The following DDX10 variants were observed in gnomAD, a reference collection of about 807,000 sequenced individuals.
The protein encoded by DDX10 is probable ATP-dependent RNA helicase DDX10.
A neutral mutation model predicts 104.3 loss-of-function variants in DDX10; 74 were observed. The ratio of observed to expected loss-of-function variants is 0.71; its 90% CI spans 0.59 to 0.86. The LOEUF is 0.86. Among genes scored for constraint, DDX10 ranks in the 40% least tolerant of loss-of-function variants. The probability of loss-of-function intolerance (pLI) is 0.00; values close to 1 mark genes in which losing one functional copy is unlikely to be tolerated. For synonymous variants in DDX10, 351 were observed against 353.4 expected, an observed-to-expected ratio of 0.99 and a Z score of 0.08; for missense variants, 952 against 1,040.0, an observed-to-expected ratio of 0.92 and a Z score of 1.16.
chr11:108,928,261 AT>A (rs1863933323), intron 17 of DDX10, among the ~76,000 whole-genome samples: 1 of 152,218 alleles, frequency 6.6e-6, no homozygotes, highest in African/African-American at 2.4e-5. Context: ...ACATGGAATA[AT>A]ATATCAGTGA....
intron 9 of DDX10, among the ~76,000 whole-genome samples, chr11:108,693,999 G>A (rs1176973066): frequency 6.6e-6 from 1 of 152,116 alleles, no homozygotes; most frequent in East Asian, 1.9e-4. Flanking sequence ...TTTCAGTCTA[G>A]TAACTGAGAC....
intron 4 of DDX10, among the ~76,000 whole-genome samples, chr11:108,677,811 G>A (rs1464035419): frequency 6.6e-6 from 1 of 151,376 alleles, no homozygotes; most frequent in Non-Finnish European, 1.5e-5. Context: ...AAACCCTTAC[G>A]TACCTGTTGC....
At chr11:108,747,143 G>C (rs1334654409) in intron 13 of DDX10, among the ~76,000 whole-genome samples, 2 of 152,130 alleles carry the variant, frequency 1.3e-5, no homozygotes, top group Non-Finnish European at 2.9e-5. Context: ...TGTGCATTGT[G>C]CTAGATTAAG....
At chr11:108,668,970 G>A (rs187962962) in intron 1 of DDX10, among the ~76,000 whole-genome samples, 2 of 152,138 alleles carry the variant, frequency 1.3e-5, no homozygotes, top group Non-Finnish European at 2.9e-5. Context: ...GGTGGTTGCA[G>A]CCTCACGTCT....
chr11:108,940,317 A>G lies in DDX10; in HGVS notation c.2522A>G (p.His841Arg), dbSNP rs146697673. The G allele has an allele frequency of 2.7e-5, 43 of 1,614,002 alleles. No individual in the cohort carries two copies. The African/African-American group carries it at 4.8e-4, about 18-fold the overall frequency. ...GTGGAAGACGTGGGACCAACAAGTC[A>G]TAACAGAAAGAAGGCCAGGTGGGAC... ...SEVEDVGPTS[H>R]NRKKARWDTL... The change falls in exon 18 of 18, where the codon CAT becomes CGT. Residue 841 changes from histidine (H) to arginine (R), a missense_variant. Physicochemically the swap from His to Arg is conservative, Grantham distance 29 (BLOSUM62 0). Transcript: ENST00000322536.
At chr11:108,831,166 G>A (rs1862464251) in intron 13 of DDX10, among the ~76,000 whole-genome samples, 1 of 152,168 alleles carries the variant, frequency 6.6e-6, no homozygotes. Context: ...AGCACTTTGG[G>A]AGTCTGAGGT....
chr11:108,922,895 C>T (rs1240142227), intron 17 of DDX10, among the ~76,000 whole-genome samples: 7 of 152,184 alleles, frequency 4.6e-5, no homozygotes, highest in Non-Finnish European at 8.8e-5. Flanking sequence ...GCTAATCTAC[C>T]CGCAGTACAG....
At chr11:108,798,151 T>C (rs570704366) in intron 13 of DDX10, among the ~76,000 whole-genome samples, 2 of 152,168 alleles carry the variant, frequency 1.3e-5, no homozygotes, top group Non-Finnish European at 2.9e-5. Context: ...AAACGTTCAA[T>C]ACTTACAGAA....
chr11:108,854,506 A>G (rs748677653), intron 16 of DDX10, among the ~76,000 whole-genome samples: 9 of 152,198 alleles, frequency 5.9e-5, no homozygotes, highest in Non-Finnish European at 1.3e-4. Context: ...TGAACCTACA[A>G]GCTATCCAGA....
intron 13 of DDX10, among the ~76,000 whole-genome samples, chr11:108,780,340 G>T (rs2094376484): frequency 6.6e-6 from 1 of 152,158 alleles, no homozygotes; most frequent in Admixed American, 6.6e-5. Context: ...AGCTCCAAAA[G>T]ATATATAATT....
chr11:108,766,577 CTTGTA>C (rs553808402), intron 13 of DDX10, among the ~76,000 whole-genome samples: 579 of 152,246 alleles, frequency 3.8e-3, no homozygotes, highest in African/African-American at 0.012. Flanking sequence ...TTGGAGTAAA[CTTGTA>C]TTGTAATAAC....
At chr11:108,704,791 A>G (rs1036378524) in intron 9 of DDX10, among the ~76,000 whole-genome samples, 1 of 152,200 alleles carries the variant, frequency 6.6e-6, no homozygotes. Context: ...AGTAAATTGT[A>G]TGTTCAGCCT....
At chr11:108,786,782 C>T (rs1185050020) in intron 13 of DDX10, among the ~76,000 whole-genome samples, 2 of 152,150 alleles carry the variant, frequency 1.3e-5, no homozygotes, top group African/African-American at 4.8e-5. Flanking sequence ...ACAGTTGGGT[C>T]TTGCCTTTTT....
intron 13 of DDX10, among the ~76,000 whole-genome samples, chr11:108,826,623 G>A (rs772860017): frequency 9.2e-5 from 14 of 152,048 alleles, no homozygotes; most frequent in Non-Finnish European, 5.9e-5. Context: ...CAACTTCTTC[G>A]CATCTTGCAG....
At chr11:108,674,892 C>A (rs1481372645) in intron 2 of DDX10, among the ~76,000 whole-genome samples, 1 of 152,164 alleles carries the variant, frequency 6.6e-6, no homozygotes, top group Non-Finnish European at 1.5e-5. Flanking sequence ...CTCCTTACTT[C>A]CCCCAGCTTC....
intron 16 of DDX10, among the ~76,000 whole-genome samples, chr11:108,887,287 A>T (rs1039099842): frequency 6.6e-6 from 1 of 152,134 alleles, no homozygotes; most frequent in African/African-American, 2.4e-5. Flanking sequence ...TAGAATAGAG[A>T]TAATTAATTG....
chr11:108,858,908 T>C lies in DDX10; in HGVS notation c.2304+6699T>C, dbSNP rs183980014. On this transcript the variant is annotated intron_variant, in intron 16 of 17. Transcript: ENST00000322536. ...CTTGCCTGTCAGCTTTGGAACTGAA[T>C]GCCCATGGAAGTTGTGACTTCATTC... 8.5e-5 allele frequency among the ~76,000 whole-genome samples: 13 copies of C among 152,330 alleles called. No homozygotes were observed. The East Asian group carries it at 2.3e-3, about 27-fold the overall frequency.
chr11:108,871,592 C>T (rs1374509546), intron 16 of DDX10, among the ~76,000 whole-genome samples: 1 of 152,164 alleles, frequency 6.6e-6, no homozygotes, highest in Admixed American at 6.5e-5. Context: ...TTTGCCCACA[C>T]CCCAACTCCA....
chr11:108,807,806 G>C (rs1396350075), intron 13 of DDX10, among the ~76,000 whole-genome samples: 1 of 152,182 alleles, frequency 6.6e-6, no homozygotes, highest in South Asian at 2.1e-4. Flanking sequence ...TTCTACTAAA[G>C]TAGAATGTAG....
Sources: allele counts gnomAD v4.1 joint callset (sites outside exome capture counted in the v4.1 genomes callset), GRCh38; gene constraint gnomAD v4.1.1; transcripts MANE v1.5; gene names NCBI Gene and HGNC (gene_info 2026-07-23, HGNC 2026-07-21).